NT5DC3: variants seen among roughly 807,000 people sequenced by gnomAD.
NT5DC3 encodes 5'-nucleotidase domain-containing protein 3.
A neutral mutation model predicts 67.8 loss-of-function variants in NT5DC3; 42 were observed. That is an observed-to-expected ratio of 0.62 (90% confidence interval 0.48 to 0.80). The LOEUF (loss-of-function observed/expected upper bound fraction) is 0.80, where lower values mean the gene tolerates loss of function less well. Among genes scored for constraint, NT5DC3 ranks in the 30% least tolerant of loss-of-function variants. The probability of loss-of-function intolerance (pLI) is 0.00; values close to 1 mark genes in which losing one functional copy is unlikely to be tolerated. For missense variants in NT5DC3, 570 were observed against 696.4 expected (o/e 0.82, Z 2.04); for synonymous variants, 237 against 255.6 (o/e 0.93, Z 0.69).
intron 1 of NT5DC3, among the ~76,000 whole-genome samples, chr12:103,820,318 C>T (rs1472099735): frequency 6.6e-6 from 1 of 152,144 alleles, no homozygotes; most frequent in African/African-American, 2.4e-5. Flanking sequence ...AGGAACTGCC[C>T]TACTGTTTTC....
intron 2 of NT5DC3, among the ~76,000 whole-genome samples, chr12:103,814,474 C>A (rs1362814045): frequency 6.6e-6 from 1 of 152,158 alleles, no homozygotes; most frequent in Non-Finnish European, 1.5e-5. Flanking sequence ...TGCATATTTT[C>A]TTTTTTTCCT....
intron 9 of NT5DC3, among the ~76,000 whole-genome samples, chr12:103,792,638 A>C (rs1886116813): frequency 6.6e-6 from 1 of 152,182 alleles, no homozygotes; most frequent in African/African-American, 2.4e-5. Context: ...GTCACAACCT[A>C]AAACTTACCT....
the NT5DC3 span, among the ~76,000 whole-genome samples, chr12:103,764,949 G>T: frequency 7.6e-6 from 1 of 131,408 alleles, no homozygotes; most frequent in Non-Finnish European, 1.7e-5. Flanking sequence ...TTAGGCAGGA[G>T]CGGTGGTGCC....
chr12:103,797,122 C>T (rs994578734), intron 5 of NT5DC3, 91 bp from the exon 6 acceptor site: 11 of 1,334,516 alleles, frequency 8.2e-6, no homozygotes, highest in Admixed American at 1.9e-5. Flanking sequence ...AAGCCTTTTC[C>T]GTGACTAAAC....
At chr12:103,748,910 C>T in the NT5DC3 span, 1 of 1,570,114 alleles carries the variant, frequency 6.4e-7, no homozygotes, top group Non-Finnish European at 8.7e-7. Flanking sequence ...TGACCTGAAG[C>T]CCTAGTTCCA....
chr12:103,801,507 C>T (rs545783136), intron 4 of NT5DC3, among the ~76,000 whole-genome samples: 50 of 151,254 alleles, frequency 3.3e-4, no homozygotes, highest in Non-Finnish European at 6.6e-4. Flanking sequence ...CTCAGCCTCC[C>T]GAGTAGCTGG....
the NT5DC3 span, among the ~76,000 whole-genome samples, chr12:103,749,841 C>CAAAAAAAAAAAAAAAAAAAAAAAAAAAA: frequency 5.9e-5 from 3 of 51,152 alleles, no homozygotes; most frequent in Admixed American, 3.3e-4. Flanking sequence ...CTCTGTCTCA[C>CAAAAAAAAAAAAAAAAAAAAAAAAAAAA]AAAAAAAAAA....
At chr12:103,758,079 A>C in the NT5DC3 span, 1 of 1,568,538 alleles carries the variant, frequency 6.4e-7, no homozygotes, top group Non-Finnish European at 8.6e-7. Context: ...ATGAATATTC[A>C]CAGATGGGTG....
At chr12:103,779,080 A>T (rs1322871406) in intron 13 of NT5DC3, among the ~76,000 whole-genome samples, 1 of 152,222 alleles carries the variant, frequency 6.6e-6, no homozygotes, top group Non-Finnish European at 1.5e-5. Context: ...GAGTAAGGTA[A>T]GCAAAATAAA....
intron 11 of NT5DC3, 35 bp from the exon 12 acceptor site, chr12:103,785,510 C>T (rs1885727110): frequency 1.2e-6 from 2 of 1,609,566 alleles, no homozygotes; most frequent in South Asian, 2.2e-5. Context: ...CAACGTCAGT[C>T]TCAACAGAAT....
At chr12:103,746,695 A>G in the NT5DC3 span, 2 of 1,613,856 alleles carry the variant, frequency 1.2e-6, no homozygotes, top group Admixed American at 3.3e-5. Flanking sequence ...TGACGGAATC[A>G]CATGCACAGG....
chr12:103,753,076 C>T, the NT5DC3 span: 76 of 896,876 alleles, frequency 8.5e-5, no homozygotes, highest in Middle Eastern at 9.3e-4. Context: ...TGATGTACTT[C>T]AACATAACTT....
chr12:103,788,828 C>A lies in NT5DC3; in HGVS notation c.1101+10G>T. On this transcript the variant is annotated intron_variant, in intron 10 of 13. Coordinates refer to ENST00000392876, the MANE Select transcript of NT5DC3 (RefSeq NM_001031701.3). ...AAAGCAACAAAAAGGATCAGCTGGT[C>A]ATGAGATACCTGCTTGTATATCTGG... The A allele has an allele frequency of 6.3e-7, 1 of 1,576,732 alleles. No homozygotes were observed. The highest frequency in any genetic ancestry group is 1.1e-5 in the South Asian group (1 of 90,274).
the NT5DC3 span, chr12:103,762,268 G>T: frequency 6.2e-7 from 1 of 1,614,056 alleles, no homozygotes; most frequent in Non-Finnish European, 8.5e-7. Context: ...CTTTCTTTGT[G>T]TTCAGACCTT....
intron 1 of NT5DC3, among the ~76,000 whole-genome samples, chr12:103,840,377 GCTCATCTCATCTCATCTCAT>G (rs10552367): frequency 3.5e-5 from 4 of 115,306 alleles, no homozygotes; most frequent in East Asian, 5.6e-4. Flanking sequence ...ACACCGCACA[GCTCATCTCATCTCATCTCAT>G]CTCATCTCAT....
intron 12 of NT5DC3, among the ~76,000 whole-genome samples, chr12:103,784,534 GT>G (rs1885685229): frequency 6.6e-6 from 1 of 152,248 alleles, no homozygotes; most frequent in African/African-American, 2.4e-5. Context: ...GCAATAGGCT[GT>G]GGCCACAGGT....
At chr12:103,802,291 C>T (rs1398630067) in intron 4 of NT5DC3, 1 of 152,178 alleles carries the variant, frequency 6.6e-6, no homozygotes, top group Non-Finnish European at 1.5e-5. Context: ...AGAGGACTCA[C>T]CACAAGTTGG....
At chr12:103,785,243 T>C in intron 12 of NT5DC3, 92 bp downstream of exon 12, 1 of 1,258,018 alleles carries the variant, frequency 7.9e-7, no homozygotes, top group Non-Finnish European at 1.1e-6. Flanking sequence ...TTAAGCCTCA[T>C]ATTTTATAAC....
At chr12:103,763,025 C>A in the NT5DC3 span, among the ~76,000 whole-genome samples, 1 of 152,230 alleles carries the variant, frequency 6.6e-6, no homozygotes. Context: ...GGTGCAGAGC[C>A]CCCAAGCAGC....
Sources: allele counts gnomAD v4.1 joint callset (sites outside exome capture counted in the v4.1 genomes callset), GRCh38; gene constraint gnomAD v4.1.1; transcripts MANE v1.5; gene names NCBI Gene and HGNC (gene_info 2026-07-23, HGNC 2026-07-21).